The following SEC62 variants were observed in gnomAD, a reference collection of about 807,000 sequenced individuals.
SEC62 encodes the protein translocation protein SEC62.
A neutral mutation model predicts 47.5 loss-of-function variants in SEC62; 10 were observed. The ratio of observed to expected loss-of-function variants is 0.21; its 90% CI spans 0.13 to 0.36. The LOEUF (loss-of-function observed/expected upper bound fraction) is 0.36. Among genes scored for constraint, SEC62 ranks in the 10% least tolerant of loss-of-function variants. The pLI, the probability that SEC62 is intolerant of heterozygous loss-of-function variation, is 1.00. For missense variants in SEC62, 327 were observed against 464.1 expected (o/e 0.70, Z 2.71); for synonymous variants, 136 against 150.5 (o/e 0.90, Z 0.71).
chr3:169,996,402 C>T lies in SEC62; in HGVS notation c.*3339C>T, dbSNP rs911072230. ...TTCACTCAGTAATACTGAGCACTTA[C>T]CATGTACCAGAATTTTACTAGGCAC... On this transcript the variant is annotated 3_prime_UTR_variant, in exon 8 of 8. Coordinates refer to ENST00000337002, the MANE Select transcript of SEC62 (RefSeq NM_003262.4). 3.3e-5 allele frequency: 5 copies of T among 152,728 alleles called. No individual in the cohort carries two copies. The highest frequency in any genetic ancestry group is 9.6e-5 in the African/African-American group (4 of 41,558). 9.5% of individuals were successfully genotyped at this position (152,728 alleles called of 1,614,324 possible).
rs73043949 is a variant in SEC62, at chr3:169,988,395, G to A, written c.730+36G>A. On this transcript the variant is annotated intron_variant, in intron 7 of 7. Coordinates refer to ENST00000337002, the MANE Select transcript of SEC62 (RefSeq NM_003262.4). ...TTATTATAAAATTGACCTCAAGAAG[G>A]TTGGTATTGAGCAGTTGGACTGTAA... 586 of 1,610,580 alleles carry A rather than the reference G, an allele frequency of 3.6e-4. 3 individuals carry two copies. The African/African-American group carries it at 6.7e-3, about 18-fold the overall frequency.
At chr3:169,969,229 CAAAT>C (rs1264336588) in intron 1 of SEC62, 3 of 444,460 alleles carry the variant, frequency 6.7e-6, no homozygotes, top group East Asian at 7.0e-5. Context: ...TTGATACAAA[CAAAT>C]AAGTTCAGGG....
At chr3:169,973,556 G>A (rs539617905) in intron 1 of SEC62, among the ~76,000 whole-genome samples, 88 of 151,946 alleles carry the variant, frequency 5.8e-4, no homozygotes, top group African/African-American at 1.9e-3. Flanking sequence ...CCAGCTACTC[G>A]GGAGGCTGAG....
In SEC62 at chr3:169,992,754, G is replaced by C; in HGVS notation, c.891G>C (p.Glu297Asp). 1 of 1,614,066 alleles carries C rather than the reference G, an allele frequency of 6.2e-7. No homozygotes were observed. Among genetic ancestry groups the C allele is most frequent in the Non-Finnish European group, 8.5e-7 (1 of 1,180,028 alleles). ...KGPKADLKKD[E>D]KSETKKQQKS... ...CAAAAGCAGACTTAAAGAAAGATGA[G>C]AAGTCTGAAACCAAAAAGCAACAGA... is the stretch of plus-strand genomic sequence containing the variant. The change falls in exon 8 of 8, where the codon GAG becomes GAC. Residue 297 changes from glutamate to aspartate, a missense_variant. Transcript: ENST00000337002. This position sits in a 1 kb window ranked among gnomAD's most constrained non-coding sequence, Gnocchi z 4.0.
At chr3:169,987,743 C>G (rs866241666) in intron 6 of SEC62, among the ~76,000 whole-genome samples, 3 of 152,050 alleles carry the variant, frequency 2.0e-5, no homozygotes, top group African/African-American at 7.2e-5. Flanking sequence ...CCCTAAGCAC[C>G]AAAAAATACA....
intron 3 of SEC62, among the ~76,000 whole-genome samples, chr3:169,978,904 C>T: frequency 6.6e-6 from 1 of 152,162 alleles, no homozygotes; most frequent in East Asian, 1.9e-4. Flanking sequence ...CATCTAGCAG[C>T]CTGTCTCCAC....
chr3:169,969,477 T>G (rs1184371690), intron 1 of SEC62: 1 of 404,634 alleles, frequency 2.5e-6, no homozygotes, highest in Non-Finnish European at 5.0e-6. Context: ...ATCAAGAAAT[T>G]TTAGAGTTTA....
rs1158142648 is a variant in SEC62 at position 169,992,962 on chromosome 3, A to G, written c.1099A>G (p.Thr367Ala). The G allele has an allele frequency of 6.2e-7, 1 of 1,613,896 alleles. No homozygotes were observed. The highest frequency in any genetic ancestry group is 8.5e-7 in the Non-Finnish European group (1 of 1,179,948). Reference protein sequence around the residue: ...SGNGNDFEMITKEELEQQTDG... With the variant: ...SGNGNDFEMIAKEELEQQTDG... ...AAATGGAAATGATTTTGAAATGATA[A>G]CAAAAGAGGAACTGGAACAGCAAAC... Residue 367 changes from threonine (T) to alanine (A), a missense_variant, in exon 8 of 8, where the codon ACA (threonine) becomes GCA (alanine). Thr to Ala is a moderately conservative substitution (Grantham distance 58). This residue lies in a region of SEC62 where 102 missense variants were observed against 108.8 expected (regional missense o/e 0.94). Transcript: ENST00000337002. This position sits in a 1 kb window ranked among gnomAD's most constrained non-coding sequence, Gnocchi z 4.0.
intron 5 of SEC62, chr3:169,983,968 C>T (rs1161142363): frequency 6.6e-6 from 1 of 152,156 alleles, no homozygotes. Flanking sequence ...ATGCTTTATG[C>T]TTATCATTTG....
At chr3:169,985,934 AAAAG>A in intron 6 of SEC62, 69 bp downstream of exon 6, 2 of 1,036,854 alleles carry the variant, frequency 1.9e-6, no homozygotes, top group South Asian at 1.4e-5. Flanking sequence ...CAGATACTGT[AAAAG>A]AAAATGTTCC....
chr3:169,992,533 A>G lies in SEC62; in HGVS notation c.731-61A>G, dbSNP rs1715270962. 1 of 1,143,464 alleles carries G rather than the reference A, an allele frequency of 8.7e-7. No individual in the cohort carries two copies. The highest frequency in any genetic ancestry group is 2.2e-5 in the Admixed American group (1 of 46,316). The allele number at this position is 1,143,464 out of a possible 1,614,324, so 70.8% of individuals were successfully genotyped here. ...ACTGTTTTCCCAGCTTTTTATTAACAAATACTCCCTTCTGAGGCAGTGTTT... is the reference window on the plus strand; with the variant it reads ...ACTGTTTTCCCAGCTTTTTATTAACGAATACTCCCTTCTGAGGCAGTGTTT... On this transcript the variant is annotated intron_variant, in intron 7 of 7. Transcript: ENST00000337002. The surrounding 1 kb of genome is among the most constrained non-coding windows in gnomAD (Gnocchi z 4.0).
chr3:169,983,241 G>A lies in SEC62; in HGVS notation c.537G>A (p.Leu179=). 1 of 1,611,346 alleles carries A rather than the reference G, an allele frequency of 6.2e-7. No homozygotes were observed. The highest frequency in any genetic ancestry group is 8.5e-7 in the Non-Finnish European group (1 of 1,178,196). The change falls in exon 5 of 8, where the codon CTG becomes CTA. Residue 179 remains leucine, a synonymous_variant. Coordinates refer to ENST00000337002, the MANE Select transcript of SEC62 (RefSeq NM_003262.4). ...AGCCACATGATGATCAGGTTTTTCT[G>A]GATGGAAATGAGGTGAGAGTAAGCC... ...KLEPHDDQVF[L]DGNEVYVWIY... is the part of the protein sequence containing the mutation.
In SEC62 at chr3:169,992,991, T is replaced by C. The variant is rs772237659; in HGVS notation, c.1128T>C (p.Asp376=). The change falls in exon 8 of 8, where the codon GAT becomes GAC. Residue 376 remains aspartate (D), a synonymous_variant. Transcript: ENST00000337002. This position sits in a 1 kb window ranked among gnomAD's most constrained non-coding sequence, Gnocchi z 4.0. Reference sequence around the variant, plus strand: ...AAGAGGAACTGGAACAGCAAACAGATGGGGATTGTGAAGAGGATGAGGAAG... The same window carrying C: ...AAGAGGAACTGGAACAGCAAACAGACGGGGATTGTGAAGAGGATGAGGAAG... ...ITKEELEQQT[D]GDCEEDEEEE... 1 of 1,613,518 alleles carries C rather than the reference T, an allele frequency of 6.2e-7. No individual in the cohort carries two copies. Among genetic ancestry groups the C allele is most frequent in the Non-Finnish European group, 8.5e-7 (1 of 1,179,814 alleles).
chr3:169,980,272 CAA>C (rs1415969002), intron 3 of SEC62, among the ~76,000 whole-genome samples: 2 of 151,654 alleles, frequency 1.3e-5, no homozygotes, highest in Admixed American at 6.6e-5. Context: ...ACCCAACAAA[CAA>C]GAGAAGAAAG....
At chr3:169,968,618 A>T (rs1714615067) in intron 1 of SEC62, 3 of 152,050 alleles carry the variant, frequency 2.0e-5, no homozygotes. Context: ...ATTAAAAGTT[A>T]TTAAAAGTGT....
intron 1 of SEC62, among the ~76,000 whole-genome samples, chr3:169,972,166 G>A (rs2052392): frequency 0.29 from 43,850 of 151,898 alleles, 7,681 homozygotes; most frequent in African/African-American, 0.49. Context: ...CATTTTTCTA[G>A]TTATGTCCTA....
At chr3:169,983,934 G>A (rs1383839543) in intron 5 of SEC62, 2 of 152,072 alleles carry the variant, frequency 1.3e-5, no homozygotes, top group African/African-American at 4.8e-5. Context: ...CACTTGAGGG[G>A]CTTAAAATTT....
chr3:169,988,194 T>G (rs1715153331), intron 6 of SEC62, 46 bp from the exon 7 acceptor site: 2 of 1,608,246 alleles, frequency 1.2e-6, no homozygotes, highest in Non-Finnish European at 8.5e-7. Context: ...GCCATACCAT[T>G]TAAGTTTTTA....
chr3:169,977,043 C>T lies in SEC62; in HGVS notation c.243C>T (p.Tyr81=). 1.9e-6 allele frequency: 3 copies of T among 1,603,532 alleles called. No homozygotes were observed. The highest frequency in any genetic ancestry group is 2.6e-6 in the Non-Finnish European group (3 of 1,172,028). Residue 81 remains tyrosine (Y), a synonymous_variant, in exon 3 of 8, where the codon TAC becomes TAT. Transcript: ENST00000337002. ...LFTTRESVVD[Y]CNRLLKKQFF... Reference sequence around the variant, plus strand: ...CAACCAGGGAGTCTGTGGTTGACTACTGCAACAGGTACTGTTTATTTCTTA... The same window carrying T: ...CAACCAGGGAGTCTGTGGTTGACTATTGCAACAGGTACTGTTTATTTCTTA...
Sources: allele counts gnomAD v4.1 joint callset (sites outside exome capture counted in the v4.1 genomes callset), GRCh38; gene constraint gnomAD v4.1.1; regional missense constraint gnomAD v4.1.1; non-coding constraint Gnocchi (gnomAD v3.1); transcripts MANE v1.5; gene names NCBI Gene and HGNC (gene_info 2026-07-23, HGNC 2026-07-21).